NTRK1: variants seen among roughly 807,000 people sequenced by gnomAD.
NTRK1 encodes high affinity nerve growth factor receptor.
NTRK1 carries 62 observed loss-of-function variants against 86.8 expected under a neutral mutation model. That is an observed-to-expected ratio of 0.71 (90% CI 0.58 to 0.88). NTRK1 has a LOEUF of 0.88. NTRK1 is among the 40% of genes least tolerant of loss of function. NTRK1 has a pLI of 0.00. For synonymous variants in NTRK1, 469 were observed against 456.6 expected, an observed-to-expected ratio of 1.03 and a Z score of -0.35; for missense variants, 967 against 1,078.4, an observed-to-expected ratio of 0.90 and a Z score of 1.45.
intron 2 of NTRK1, chr1:156,849,089 C>G (rs1283398424): frequency 6.2e-7 from 1 of 1,602,892 alleles, no homozygotes; most frequent in Non-Finnish European, 8.5e-7. Flanking sequence ...CGCCTGCCAG[C>G]TGCTTGAGCG....
chr1:156,861,956 C>T (rs771948554), intron 1 of NTRK1, among the ~76,000 whole-genome samples: 6 of 152,134 alleles, frequency 3.9e-5, no homozygotes, highest in Admixed American at 6.5e-5. Flanking sequence ...TGGGAGTATG[C>T]GGTAATGACT....
chr1:156,856,601 A>G (rs538731294), upstream of NTRK1, among the ~76,000 whole-genome samples: 1 of 152,196 alleles, frequency 6.6e-6, no homozygotes, highest in Non-Finnish European at 1.5e-5. Flanking sequence ...GCTCAGCTAC[A>G]CTTAGTCCAG....
At chr1:156,840,717 C>T (rs1654741459) in intron 1 of NTRK1, 3 of 648,918 alleles carry the variant, frequency 4.6e-6, no homozygotes, top group South Asian at 1.9e-5. Context: ...CCCCTCTGCC[C>T]ACCCCCACAG....
intron 7 of NTRK1, among the ~76,000 whole-genome samples, chr1:156,872,591 T>TTA (rs536165913): frequency 0.014 from 2,124 of 150,670 alleles, 46 homozygotes; most frequent in African/African-American, 0.046. Flanking sequence ...GAATGCTATA[T>TTA]TATATATATA....
At position 156,861,123 on chromosome 1, in the gene NTRK1, C is replaced by G. The variant is rs777710084; in HGVS notation, c.189C>G (p.Pro63=). ...DGALDSLHHL[P]GAENLTELYI... ...CCCTGGATAGCCTCCACCACCTGCC[C>G]GGCGCAGAGAACCTGACTGAGCTGT... is the stretch of plus-strand genomic sequence containing the variant. Residue 63 remains proline (P), a synonymous_variant, in exon 1 of 17, where the codon CCC becomes CCG. Transcript: ENST00000524377. 4.4e-6 allele frequency: 7 copies of G among 1,580,896 alleles called. No individual in the cohort carries two copies. In the South Asian group the frequency reaches 6.8e-5, roughly 15 times the overall value.
In NTRK1 at chr1:156,876,021, G is replaced by A. The variant is rs780724741; in HGVS notation, c.1502-59G>A. The A allele has an allele frequency of 2.5e-5, 41 of 1,613,380 alleles. 1 individual carries two copies. Among genetic ancestry groups the A allele is most frequent in the South Asian group, 8.8e-5 (8 of 90,966 alleles). ...ACACAGCCCTGCCAAGACAGTCCCC[G>A]CTACAACCCCAGCCCTCCCAAGACT... is the stretch of plus-strand genomic sequence containing the variant. On this transcript the variant is annotated intron_variant, in intron 12 of 16. Coordinates refer to ENST00000524377, the MANE Select transcript of NTRK1 (RefSeq NM_002529.4).
Position 156,854,773 on chromosome 1 carries a change from T to C in NTRK1, c.51-9581T>C, listed in dbSNP as rs1327783440. On this transcript the variant is annotated intron_variant, in intron 2 of 16. Coordinates refer to the NTRK1 transcript ENST00000392302. The surrounding 1 kb of genome is among the most constrained non-coding windows in gnomAD (Gnocchi z 4.2). ...GATTGACAGTCATAGCCTCCCAAAC[T>C]GTCTCCCCAGTTCCACCCTTGTCCC... Among the ~76,000 whole-genome samples, 1 of 152,140 alleles carries C rather than the reference T, an allele frequency of 6.6e-6. No individual in the cohort carries two copies. Among genetic ancestry groups the C allele is most frequent in the Non-Finnish European group, 1.5e-5 (1 of 68,026 alleles).
Position 156,841,137 on chromosome 1 carries a change from C to T in NTRK1, c.-63-944C>T, listed in dbSNP as rs376379799. 48 of 1,490,672 alleles carry T rather than the reference C, an allele frequency of 3.2e-5. No individual in the cohort carries two copies. The African/African-American group carries it at 4.0e-4, about 13-fold the overall frequency. 92.3% of individuals were successfully genotyped at this position (1,490,672 alleles called of 1,614,324 possible). On this transcript the variant is annotated intron_variant, in intron 1 of 16. Transcript: ENST00000392302. Reference sequence around the variant, plus strand: ...GTGTGGGGAGCAGGGTCAGAGGCATCCGGGAGCCCCTGCCACGCTCTCAGC... The same window carrying T: ...GTGTGGGGAGCAGGGTCAGAGGCATTCGGGAGCCCCTGCCACGCTCTCAGC...
In NTRK1 at chr1:156,876,189, C is replaced by A; in HGVS notation, c.1611C>A (p.Asp537Glu). 2 of 1,614,148 alleles carry A rather than the reference C, an allele frequency of 1.2e-6. No individual in the cohort carries two copies. Among genetic ancestry groups the A allele is most frequent in the South Asian group, 2.2e-5 (2 of 91,084 alleles). The change falls in exon 13 of 17, where the codon GAC (aspartate) becomes GAA (glutamate). Residue 537 changes from aspartate (D) to glutamate (E), a missense_variant. Transcript: ENST00000524377. ...GCCACAACCTCCTGCCTGAGCAGGA[C>A]AAGATGCTGGTGGCTGTCAAGGTGA... ...AECHNLLPEQ[D>E]KMLVAVKALK...
At chr1:156,817,473 G>A (rs1418373319) in intron 1 of NTRK1, among the ~76,000 whole-genome samples, 1 of 151,660 alleles carries the variant, frequency 6.6e-6, no homozygotes, top group African/African-American at 2.4e-5. Context: ...TATAAGACAA[G>A]GGGTTAGAGA....
intron 16 of NTRK1, chr1:156,880,546 C>G: frequency 4.0e-6 from 1 of 247,804 alleles, no homozygotes; most frequent in Non-Finnish European, 8.0e-6. Flanking sequence ...GGAGGTTAGA[C>G]TGTCAGAAGG....
At chr1:156,823,754 G>A (rs1365657196) in intron 1 of NTRK1, among the ~76,000 whole-genome samples, 1 of 152,186 alleles carries the variant, frequency 6.6e-6, no homozygotes, top group South Asian at 2.1e-4. Context: ...AGGTGTCCAT[G>A]ATCTTGAGCC....
chr1:156,859,791 C>G (rs1455111944), upstream of NTRK1, among the ~76,000 whole-genome samples: 2 of 152,144 alleles, frequency 1.3e-5, no homozygotes, highest in Non-Finnish European at 2.9e-5. This position sits in a 1 kb window ranked among gnomAD's most constrained non-coding sequence, Gnocchi z 6.2. Context: ...GGAGGTCGTC[C>G]TTCCCCCGCT....
At chr1:156,834,816 C>CG (rs34974838) in intron 1 of NTRK1, among the ~76,000 whole-genome samples, 3 of 150,064 alleles carry the variant, frequency 2.0e-5, no homozygotes, top group Non-Finnish European at 3.0e-5. Context: ...GCCGGGGAGA[C>CG]GGGGGGTTGT....
intron 2 of NTRK1, chr1:156,851,568 T>A: frequency 6.2e-7 from 1 of 1,609,744 alleles, no homozygotes; most frequent in Non-Finnish European, 8.5e-7. Context: ...TTGTGCTGAG[T>A]TGGGTCATTG....
In NTRK1 at chr1:156,875,016, G is replaced by T. The variant is rs763576316; in HGVS notation, c.1354+8G>T. The stretch of plus-strand genomic sequence containing the variant: ...ACAAGTTTGGGATCAACCGTGAGTC[G>T]GGGCTGCAGAGGGCTGTCTGTCTGT... On this transcript the variant is annotated splice_region_variant and intron_variant, in intron 11 of 16. Coordinates refer to ENST00000524377, the MANE Select transcript of NTRK1 (RefSeq NM_002529.4). 1.3e-6 allele frequency: 2 copies of T among 1,595,326 alleles called. No individual in the cohort carries two copies. The highest frequency in any genetic ancestry group is 1.7e-5 in the Admixed American group (1 of 60,004).
chr1:156,867,758 C>G (rs894169973), intron 4 of NTRK1, among the ~76,000 whole-genome samples: 2 of 151,952 alleles, frequency 1.3e-5, no homozygotes, highest in African/African-American at 4.8e-5. Flanking sequence ...ACTGCAAGCT[C>G]CGCCTCCTGG....
rs143899871 is a variant in NTRK1, at chr1:156,823,372, G to A, written c.-64+7534G>A. Reference sequence around the variant, plus strand: ...CCTTCCTGAGCCTTCAACAGGCCACGCCATCATTCCACCAAGATGACTAAT... The same window carrying A: ...CCTTCCTGAGCCTTCAACAGGCCACACCATCATTCCACCAAGATGACTAAT... On this transcript the variant is annotated intron_variant, in intron 1 of 16. Coordinates refer to the NTRK1 transcript ENST00000392302. Among the ~76,000 whole-genome samples, 1,432 of 152,272 alleles carry A rather than the reference G, an allele frequency of 9.4e-3. 19 individuals are homozygous for A. The highest frequency in any genetic ancestry group is 0.014 in the Middle Eastern group (4 of 294).
chr1:156,845,860 G>C (rs1413089685), intron 2 of NTRK1: 1 of 1,601,438 alleles, frequency 6.2e-7, no homozygotes, highest in Non-Finnish European at 8.5e-7. Context: ...CGGTCTACCC[G>C]CCTCTGATCC....
Sources: gnomAD v4.1 joint callset for allele counts (sites outside exome capture counted in the v4.1 genomes callset) on GRCh38, gnomAD v4.1.1 for gene constraint, Gnocchi (gnomAD v3.1) non-coding constraint, MANE v1.5 for transcripts, NCBI Gene and HGNC (gene_info 2026-07-23, HGNC 2026-07-21) for gene names.